The following INSL6 variants were observed in gnomAD, a reference collection of about 807,000 sequenced individuals.
INSL6 encodes the protein insulin-like peptide INSL6.
Under a neutral mutation model 9.4 loss-of-function variants are expected in INSL6, and 16 were observed. The observed-to-expected ratio is 1.70, with a 90% CI of 1.15 to 2.59. The LOEUF (loss-of-function observed/expected upper bound fraction) is 2.59, where lower values mean the gene tolerates loss of function less well. Ranked by LOEUF, INSL6 falls within the 30% of genes most tolerant of loss-of-function variation. The pLI is 0.00. For missense variants in INSL6, 391 were observed against 257.3 expected, an observed-to-expected ratio of 1.52 and a Z score of -3.56; for synonymous variants, 154 against 96.9, an observed-to-expected ratio of 1.59 and a Z score of -3.46.
the INSL6 span, chr9:5,041,353 C>A: frequency 1.6e-6 from 1 of 639,696 alleles, no homozygotes; most frequent in Non-Finnish European, 2.9e-6. Context: ...CGGCGTGCTA[C>A]ATGAGCATCA....
chr9:5,170,141 TAACA>T (rs776479698), intron 1 of INSL6, among the ~76,000 whole-genome samples: 5 of 152,238 alleles, frequency 3.3e-5, no homozygotes, highest in Admixed American at 6.5e-5. Flanking sequence ...ACTGAAATCA[TAACA>T]AACAGTCTCT....
the INSL6 span, among the ~76,000 whole-genome samples, chr9:5,093,451 T>G: frequency 6.6e-6 from 1 of 152,200 alleles, no homozygotes; most frequent in East Asian, 1.9e-4. Context: ...TCATGAGGGT[T>G]CAGCTGTCTC....
At chr9:5,052,390 T>C in the INSL6 span, among the ~76,000 whole-genome samples, 4 of 151,950 alleles carry the variant, frequency 2.6e-5, no homozygotes, top group African/African-American at 4.8e-5. Context: ...TAAACACAGA[T>C]GCAAAATGCT....
chr9:5,163,785 T>C (rs922266634), downstream of INSL6: 22 of 652,706 alleles, frequency 3.4e-5, 1 homozygote, highest in South Asian at 9.6e-5. Flanking sequence ...CTATAAGGTA[T>C]GGTCAAGTGC....
chr9:5,182,831 T>G lies in INSL6; in HGVS notation c.289+2483A>C, dbSNP rs181894559. Among the ~76,000 whole-genome samples the G allele has an allele frequency of 5.9e-3, 904 of 152,320 alleles. 4 individuals carry two copies. Among genetic ancestry groups the G allele is most frequent in the Non-Finnish European group, 8.8e-3 (601 of 68,008 alleles). ...TAGAAATATGATGTCAACTTCATGG[T>G]GCCACATTACGGGGTAGGTCTTGGA... On this transcript the variant is annotated intron_variant, in intron 1 of 1. Coordinates refer to ENST00000381641, the MANE Select transcript of INSL6 (RefSeq NM_007179.3).
At chr9:5,005,015 C>T in the INSL6 span, among the ~76,000 whole-genome samples, 7 of 147,104 alleles carry the variant, frequency 4.8e-5, no homozygotes, top group South Asian at 1.5e-3. Flanking sequence ...CTCCCAAGCG[C>T]AAGTGATCCT....
the INSL6 span, among the ~76,000 whole-genome samples, chr9:5,014,545 G>A: frequency 1.3e-5 from 2 of 152,158 alleles, no homozygotes; most frequent in African/African-American, 4.8e-5. Flanking sequence ...CAGAACAGCT[G>A]TGGCCACTTG....
chr9:5,080,410 C>G, the INSL6 span: 5 of 1,567,700 alleles, frequency 3.2e-6, no homozygotes, highest in South Asian at 5.9e-5. Context: ...GTTAGAATTA[C>G]TCTATCTCTG....
At chr9:5,137,902 C>G (rs1022539301) in intron 2 of INSL6, among the ~76,000 whole-genome samples, 2 of 147,774 alleles carry the variant, frequency 1.4e-5, no homozygotes, top group African/African-American at 2.5e-5. Flanking sequence ...GAAAAAAAAC[C>G]CATAAAAAAG....
chr9:5,021,383 T>C, the INSL6 span, among the ~76,000 whole-genome samples: 2 of 152,216 alleles, frequency 1.3e-5, no homozygotes, highest in Non-Finnish European at 2.9e-5. Flanking sequence ...GTAACTGAGT[T>C]TAATGCTTGT....
At chr9:5,034,836 C>G in the INSL6 span, among the ~76,000 whole-genome samples, 3 of 151,992 alleles carry the variant, frequency 2.0e-5, no homozygotes, top group Non-Finnish European at 2.9e-5. Context: ...ACTAGAAAAC[C>G]AAGAGCAAAC....
At position 5,184,425 on chromosome 9, in the gene INSL6, T is replaced by C. The variant is rs10123381; in HGVS notation, c.289+889A>G. Reference sequence around the variant, plus strand: ...GTCTTAGTCACAAAATGTAAAAACATAGTAAGATATACCAATGAATCTGGA... The same window carrying C: ...GTCTTAGTCACAAAATGTAAAAACACAGTAAGATATACCAATGAATCTGGA... On this transcript the variant is annotated intron_variant, in intron 1 of 1. Transcript: ENST00000381641. Among the ~76,000 whole-genome samples the C allele has an allele frequency of 1.8e-3, 272 of 152,290 alleles. 1 individual carries two copies. The highest frequency in any genetic ancestry group is 6.2e-3 in the African/African-American group (259 of 41,552).
At chr9:5,053,827 T>C in the INSL6 span, among the ~76,000 whole-genome samples, 3 of 151,958 alleles carry the variant, frequency 2.0e-5, no homozygotes, top group Non-Finnish European at 2.9e-5. Flanking sequence ...GCTTCCTGGA[T>C]TAGATGGTAC....
At chr9:5,086,611 G>C in the INSL6 span, among the ~76,000 whole-genome samples, 1 of 151,798 alleles carries the variant, frequency 6.6e-6, no homozygotes, top group East Asian at 1.9e-4. Context: ...AAATTCCTTG[G>C]CTTCTCTACC....
At chr9:5,079,642 T>TA in the INSL6 span, among the ~76,000 whole-genome samples, 73 of 147,454 alleles carry the variant, frequency 5.0e-4, no homozygotes, top group African/African-American at 1.4e-3. Flanking sequence ...ATAAACTATA[T>TA]AAAAAAAAAA....
the INSL6 span, among the ~76,000 whole-genome samples, chr9:5,010,553 T>A: frequency 1.3e-5 from 2 of 152,170 alleles, no homozygotes; most frequent in African/African-American, 4.8e-5. Flanking sequence ...ACTCCTGACC[T>A]CAGGTGATTC....
the INSL6 span, chr9:5,066,754 G>A: frequency 1.3e-6 from 2 of 1,575,604 alleles, no homozygotes; most frequent in East Asian, 4.6e-5. Flanking sequence ...CAGTCCTAAG[G>A]ACTTTAATAA....
At chr9:5,126,829 C>G (rs1470954186) in intron 3 of INSL6, 1 of 1,291,084 alleles carries the variant, frequency 7.7e-7, no homozygotes, top group Admixed American at 1.8e-5. Context: ...AGTAGATTTA[C>G]AGAACAAAGT....
At chr9:5,184,892 G>C (rs1040060587) in intron 1 of INSL6, among the ~76,000 whole-genome samples, 1 of 152,086 alleles carries the variant, frequency 6.6e-6, no homozygotes, top group Non-Finnish European at 1.5e-5. Flanking sequence ...TACAAGGTTG[G>C]GCTGATTCTG....
Sources: gnomAD v4.1 joint callset for allele counts (sites outside exome capture counted in the v4.1 genomes callset) on GRCh38, gnomAD v4.1.1 for gene constraint, MANE v1.5 for transcripts, NCBI Gene and HGNC (gene_info 2026-07-23, HGNC 2026-07-21) for gene names.